The following ATP7A variants were observed in gnomAD, a reference collection of about 807,000 sequenced individuals.
The protein encoded by ATP7A is copper-transporting ATPase 1.
In ATP7A, 7 loss-of-function variants were observed where a neutral mutation model predicts 83.5. The observed-to-expected ratio is 0.08, with a 90% confidence interval of 0.05 to 0.16. The LOEUF (loss-of-function observed/expected upper bound fraction) is 0.16, where lower values mean the gene tolerates loss of function less well. ATP7A is among the 10% of genes least tolerant of loss of function. ATP7A has a pLI of 1.00. For synonymous variants in ATP7A, 354 were observed against 395.2 expected (o/e 0.90, Z 1.24); for missense variants, 940 against 1,120.8 (o/e 0.84, Z 2.30).
chrX:78,011,977 T>C (rs191852446), intron 9 of ATP7A, among the ~76,000 whole-genome samples: 1 of 108,879 alleles, frequency 9.2e-6, no homozygotes, highest in African/African-American at 3.3e-5. Flanking sequence ...GGGGTTTTGC[T>C]CTGTCACCCA....
intron 9 of ATP7A, 33 bp from the exon 10 acceptor site, chrX:78,012,846 T>A (rs781843001): frequency 8.0e-6 from 9 of 1,121,644 alleles, no homozygotes; most frequent in South Asian, 3.6e-5. Flanking sequence ...CAGCATTTTT[T>A]AAAATTCAAT....
intron 2 of ATP7A, among the ~76,000 whole-genome samples, chrX:77,984,259 G>GT (rs782643857): frequency 1.8e-5 from 2 of 110,570 alleles, no homozygotes; most frequent in Non-Finnish European, 3.8e-5. Context: ...GCTCATCACT[G>GT]TATCTCTAGC....
chrX:77,962,410 G>C (rs1015839922), intron 1 of ATP7A: 4 of 192,469 alleles, frequency 2.1e-5, no homozygotes, highest in Non-Finnish European at 2.9e-5. Context: ...CTGTGCTCAG[G>C]CCTGCTCCCA....
chrX:77,990,093 C>A, intron 4 of ATP7A, 135 bp downstream of exon 4: 1 of 804,269 alleles, frequency 1.2e-6, no homozygotes, highest in South Asian at 2.6e-5. Context: ...ATGGAGGTAG[C>A]CAGCAGTATA....
rs1831643767 is a variant in ATP7A, at chrX:78,033,734, A to G, written c.3424A>G (p.Ile1142Val). ...TAACTGGAATATAGAGGACAATAAT[A>G]TTAAAAATGCATCCCTGGTTCAAAT... ...KNNWNIEDNN[I>V]KNASLVQIDA... The change falls in exon 17 of 23, where the codon ATT becomes GTT. Residue 1142 changes from isoleucine (I) to valine (V), a missense_variant. Coordinates refer to ENST00000341514, the MANE Select transcript of ATP7A (RefSeq NM_000052.7). The G allele has an allele frequency of 3.3e-6, 4 of 1,209,003 alleles. No individual in the cohort carries two copies. The highest frequency in any genetic ancestry group is 4.5e-6 in the Non-Finnish European group (4 of 894,637).
intron 14 of ATP7A, among the ~76,000 whole-genome samples, chrX:78,025,288 A>G (rs1204672091): frequency 2.7e-5 from 3 of 112,194 alleles, no homozygotes; most frequent in Non-Finnish European, 5.6e-5. Flanking sequence ...CAGGAAGCAA[A>G]AGTTCCCTTG....
In ATP7A at chrX:78,031,447, C is replaced by G; in HGVS notation, c.3159C>G (p.Thr1053=). ...AGACTGGAACCATTACTCACGGAACCCCAGTGGTGAATCAAGTAAAGGTTC... is the reference window on the plus strand; with the variant it reads ...AGACTGGAACCATTACTCACGGAACGCCAGTGGTGAATCAAGTAAAGGTTC... ...FDKTGTITHG[T]PVVNQVKVLT... The change falls in exon 16 of 23, where the codon ACC becomes ACG. Residue 1053 remains threonine (T), a synonymous_variant. Coordinates refer to ENST00000341514, the MANE Select transcript of ATP7A (RefSeq NM_000052.7). The G allele has an allele frequency of 8.3e-7, 1 of 1,210,907 alleles. No homozygotes were observed. The highest frequency in any genetic ancestry group is 1.1e-6 in the Non-Finnish European group (1 of 894,844).
chrX:77,961,076 C>T (rs782341275), intron 1 of ATP7A, among the ~76,000 whole-genome samples: 44 of 109,687 alleles, frequency 4.0e-4, no homozygotes, highest in African/African-American at 1.5e-3. Context: ...GTGTAAAGTC[C>T]AATTTAAGTA....
chrX:77,913,402 C>T (rs922688759), intron 1 of ATP7A, among the ~76,000 whole-genome samples: 2 of 110,295 alleles, frequency 1.8e-5, no homozygotes, highest in East Asian at 2.8e-4. Flanking sequence ...AACATGGGGC[C>T]GGGGCAAGGG....
intron 12 of ATP7A, among the ~76,000 whole-genome samples, chrX:78,016,896 C>T (rs1170655905): frequency 1.8e-5 from 2 of 112,194 alleles, no homozygotes; most frequent in African/African-American, 6.5e-5. Flanking sequence ...GTATACAGTA[C>T]AAGCTGTTGG....
At chrX:77,916,124 G>A (rs2077183883) in intron 1 of ATP7A, among the ~76,000 whole-genome samples, 1 of 111,037 alleles carries the variant, frequency 9.0e-6, no homozygotes, top group Non-Finnish European at 1.9e-5. Flanking sequence ...GGAGGCTGAG[G>A]TGGGTAGATT....
Position 78,042,739 on chromosome X carries a change from G to A in ATP7A, c.3956G>A (p.Gly1319Asp). Residue 1319 changes from glycine to aspartate, a missense_variant, in exon 20 of 23, where the codon GGC (glycine) becomes GAC (aspartate). This residue lies in a region of ATP7A where 386 missense variants were observed against 502.2 expected (regional missense o/e 0.77). Transcript: ENST00000341514. ...ATGGCTAATGTGGGAATTGCTATTG[G>A]CACAGGCACAGATGTAGCCATTGAA... ...LAMANVGIAI[G>D]TGTDVAIEAA... The A allele has an allele frequency of 1.7e-6, 2 of 1,211,546 alleles. No homozygotes were observed. The highest frequency in any genetic ancestry group is 2.2e-6 in the Non-Finnish European group (2 of 895,557).
At chrX:78,007,648 T>C (rs1341541692) in intron 6 of ATP7A, among the ~76,000 whole-genome samples, 1 of 112,314 alleles carries the variant, frequency 8.9e-6, no homozygotes, top group South Asian at 3.6e-4. Context: ...TTTAATTGGA[T>C]TGTTTGTCTT....
chrX:78,015,089 T>A (rs782312900), intron 11 of ATP7A, among the ~76,000 whole-genome samples: 1 of 112,539 alleles, frequency 8.9e-6, no homozygotes, highest in East Asian at 2.8e-4. Flanking sequence ...CATATTCACA[T>A]TTCTCCTGTT....
chrX:78,046,171 A>G, intron 22 of ATP7A, 123 bp from the exon 23 acceptor site: 2 of 804,060 alleles, frequency 2.5e-6, no homozygotes, highest in Non-Finnish European at 3.6e-6. Context: ...ACCAGTGATC[A>G]CCTTTATACA....
At chrX:77,956,482 G>C (rs782074643) in intron 1 of ATP7A, among the ~76,000 whole-genome samples, 1 of 111,526 alleles carries the variant, frequency 9.0e-6, no homozygotes, top group African/African-American at 3.3e-5. Flanking sequence ...GGAACATGGA[G>C]GCATATCCCT....
chrX:78,011,377 GTAGTATGTAGAATCTT>G, intron 8 of ATP7A, 56 bp from the exon 9 acceptor site: 1 of 1,054,037 alleles, frequency 9.5e-7, no homozygotes, highest in Non-Finnish European at 1.3e-6. Flanking sequence ...ATATCTCTCT[GTAGTATGTAGAATCTT>G]TACCCATTAG....
chrX:77,983,054 C>CT (rs1320161228), intron 2 of ATP7A, among the ~76,000 whole-genome samples: 6 of 111,523 alleles, frequency 5.4e-5, no homozygotes, highest in African/African-American at 2.0e-4. Flanking sequence ...TCTGGGACCT[C>CT]TTTTATAAGG....
At chrX:78,016,218 GA>G (rs2077862810) in intron 12 of ATP7A, among the ~76,000 whole-genome samples, 1 of 111,214 alleles carries the variant, frequency 9.0e-6, no homozygotes, top group Admixed American at 9.6e-5. Context: ...AAGGCAGCAG[GA>G]GAGAGAAGTG....
Sources: gnomAD v4.1 joint callset for allele counts (sites outside exome capture counted in the v4.1 genomes callset) on GRCh38, gnomAD v4.1.1 for gene constraint, gnomAD v4.1.1 regional missense constraint, MANE v1.5 for transcripts, NCBI Gene and HGNC (gene_info 2026-07-23, HGNC 2026-07-21) for gene names.